SIK2: variants seen among roughly 807,000 people sequenced by gnomAD.
The protein encoded by SIK2 is salt inducible kinase 2.
In SIK2, 29 loss-of-function variants were observed where a neutral mutation model predicts 103.2. The observed-to-expected ratio is 0.28, with a 90% CI of 0.21 to 0.38. The LOEUF (loss-of-function observed/expected upper bound fraction) is 0.38. Among genes scored for constraint, SIK2 ranks in the 10% least tolerant of loss-of-function variants. The pLI, the probability that SIK2 is intolerant of heterozygous loss-of-function variation, is 1.00. For synonymous variants in SIK2, 412 were observed against 446.1 expected, an observed-to-expected ratio of 0.92 and a Z score of 0.96; for missense variants, 879 against 1,171.0, an observed-to-expected ratio of 0.75 and a Z score of 3.64.
intron 3 of SIK2, among the ~76,000 whole-genome samples, chr11:111,655,701 A>G (rs1484199142): frequency 6.6e-6 from 1 of 152,110 alleles, no homozygotes; most frequent in Non-Finnish European, 1.5e-5. Context: ...GGTCCTTCCT[A>G]GAATGGCCTG....
intron 3 of SIK2, among the ~76,000 whole-genome samples, chr11:111,670,079 A>G (rs1942604704): frequency 6.6e-6 from 1 of 152,090 alleles, no homozygotes; most frequent in South Asian, 2.1e-4. Flanking sequence ...GACTATTTTG[A>G]ACTGTACATT....
At position 111,657,175 on chromosome 11, in the gene SIK2, T is replaced by C. The variant is rs565175060; in HGVS notation, c.317-30826T>C. ...GCATTTGAATTGGAACTTGAAGGAC[T>C]ATTGAAAATATGTAGTCTGCCTGAC... On this transcript the variant is annotated intron_variant, in intron 3 of 14. Coordinates refer to ENST00000304987, the MANE Select transcript of SIK2 (RefSeq NM_015191.3). 2.6e-5 allele frequency among the ~76,000 whole-genome samples: 4 copies of C among 152,334 alleles called. No homozygotes were observed. In the East Asian group the frequency reaches 5.8e-4, roughly 22 times the overall value.
intron 2 of SIK2, 119 bp from the exon 3 acceptor site, chr11:111,620,220 C>T (rs780955464): frequency 2.5e-5 from 18 of 706,622 alleles, no homozygotes; most frequent in South Asian, 1.4e-4. Context: ...TAGCCATCTT[C>T]GGAATTGTTC....
rs544895757 is a variant in SIK2 at position 111,682,979 on chromosome 11, A to G, written c.317-5022A>G. ...TGGAGGGGGTGTTGACATACAAAAT[A>G]TAACCTTAAAAGTTTTCATTATTAA... On this transcript the variant is annotated intron_variant, in intron 3 of 14. Transcript: ENST00000304987. 1.1e-4 allele frequency: 17 copies of G among 152,386 alleles called. No individual in the cohort carries two copies. The Middle Eastern group carries it at 0.014, about 122-fold the overall frequency. 9.4% of individuals were successfully genotyped at this position (152,386 alleles called of 1,614,324 possible). A position where few individuals can be genotyped will look rare whatever the true frequency, so the allele number is the denominator to read the frequency against.
rs1944076193 is a variant in SIK2 at position 111,728,859 on chromosome 11, G to A, written c.*4730G>A. The A allele has an allele frequency of 6.6e-6, 1 of 151,216 alleles. No homozygotes were observed. The highest frequency in any genetic ancestry group is 6.6e-5 in the Admixed American group (1 of 15,202). 9.4% of individuals were successfully genotyped at this position (151,216 alleles called of 1,614,324 possible). On this transcript the variant is annotated 3_prime_UTR_variant, in exon 15 of 15. Coordinates refer to ENST00000304987, the MANE Select transcript of SIK2 (RefSeq NM_015191.3). ...GAATGGCGTGAACCCGGGAGGTGGA[G>A]CTTGCAGTGAGCCAAGATCGTGCCA...
At chr11:111,662,615 G>A (rs141199217) in intron 3 of SIK2, among the ~76,000 whole-genome samples, 213 of 151,692 alleles carry the variant, frequency 1.4e-3, no homozygotes, top group African/African-American at 4.9e-3. Context: ...AGTGGCTCAC[G>A]CCTGTAATCC....
chr11:111,678,001 C>T (rs551270299), intron 3 of SIK2, among the ~76,000 whole-genome samples: 3 of 152,270 alleles, frequency 2.0e-5, no homozygotes, highest in African/African-American at 7.2e-5. Flanking sequence ...AAGATACAGA[C>T]CCCCTTGTTA....
At chr11:111,683,834 T>C (rs894043654) in intron 3 of SIK2, among the ~76,000 whole-genome samples, 3 of 152,228 alleles carry the variant, frequency 2.0e-5, no homozygotes, top group Non-Finnish European at 4.4e-5. Context: ...TGAGCTTGGA[T>C]TGTGTTCCTT....
chr11:111,626,214 A>G (rs1320587945), intron 3 of SIK2, among the ~76,000 whole-genome samples: 1 of 152,166 alleles, frequency 6.6e-6, no homozygotes, highest in African/African-American at 2.4e-5. Flanking sequence ...ATAATGAGTA[A>G]TAGAATTAAT....
intron 3 of SIK2, among the ~76,000 whole-genome samples, chr11:111,679,415 C>T (rs1484994995): frequency 1.3e-5 from 2 of 152,132 alleles, no homozygotes. Context: ...TTGCTGAAAG[C>T]ACAATTAAAT....
intron 3 of SIK2, among the ~76,000 whole-genome samples, chr11:111,682,671 T>C (rs925469059): frequency 1.3e-5 from 2 of 152,356 alleles, no homozygotes; most frequent in East Asian, 3.9e-4. Context: ...TGTTGATAAC[T>C]CGAATTTAGG....
At chr11:111,645,787 C>T (rs1942247323) in intron 3 of SIK2, among the ~76,000 whole-genome samples, 1 of 151,414 alleles carries the variant, frequency 6.6e-6, no homozygotes, top group African/African-American at 2.4e-5. Flanking sequence ...TGCGCCCTAG[C>T]CTGGGCAACA....
At chr11:111,651,063 A>G (rs1207890711) in intron 3 of SIK2, among the ~76,000 whole-genome samples, 4 of 152,188 alleles carry the variant, frequency 2.6e-5, no homozygotes, top group African/African-American at 9.7e-5. Context: ...AGTTTTCTCA[A>G]GCTACATATT....
rs540396968 is a variant in SIK2 at position 111,715,367 on chromosome 11, CAT to C, written c.1266+2993_1266+2994del. 6.6e-5 allele frequency among the ~76,000 whole-genome samples: 10 copies of C among 152,212 alleles called. No homozygotes were observed. In the South Asian group the frequency reaches 1.2e-3, roughly 19 times the overall value. ...AGTTCCCTTTTTATTGAGACTGCCT[CAT>C]GTGCATTTACTGTAACACCCATTTG... On this transcript the variant is annotated intron_variant, in intron 9 of 14. Transcript: ENST00000304987.
intron 1 of SIK2, among the ~76,000 whole-genome samples, chr11:111,608,693 T>G (rs1479252843): frequency 5.3e-5 from 8 of 152,252 alleles, no homozygotes; most frequent in African/African-American, 1.9e-4. Context: ...AATTTCCTAT[T>G]ACTGAACATT....
intron 3 of SIK2, among the ~76,000 whole-genome samples, chr11:111,676,345 C>T (rs561726941): frequency 1.6e-4 from 25 of 152,320 alleles, no homozygotes; most frequent in Non-Finnish European, 3.1e-4. Context: ...AAACTGCTTC[C>T]CACCGCAGCT....
intron 3 of SIK2, among the ~76,000 whole-genome samples, chr11:111,630,652 T>C (rs1268380352): frequency 1.3e-5 from 2 of 152,140 alleles, no homozygotes; most frequent in Non-Finnish European, 2.9e-5. Context: ...AAGAAAGGAA[T>C]TGATGGAGTA....
intron 3 of SIK2, among the ~76,000 whole-genome samples, chr11:111,675,097 C>G (rs1471021583): frequency 6.6e-6 from 1 of 152,184 alleles, no homozygotes; most frequent in Non-Finnish European, 1.5e-5. Flanking sequence ...AATTTAGTGG[C>G]TTACATCAAC....
rs570284323 is a variant in SIK2 at position 111,701,292 on chromosome 11, G to A, written c.604-160G>A. Reference sequence around the variant, plus strand: ...TATTTATTATAAGATACTTATTGTAGTAGTCAGGGTTTTGGATTTTTTTCA... The same window carrying A: ...TATTTATTATAAGATACTTATTGTAATAGTCAGGGTTTTGGATTTTTTTCA... On this transcript the variant is annotated intron_variant, in intron 5 of 14. Transcript: ENST00000304987. This position sits in a 1 kb window ranked among gnomAD's most constrained non-coding sequence, Gnocchi z 4.2. Among the ~76,000 whole-genome samples the A allele has an allele frequency of 4.6e-5, 7 of 152,254 alleles. No individual in the cohort carries two copies. The East Asian group carries it at 1.2e-3, about 25-fold the overall frequency.
Sources: allele counts gnomAD v4.1 joint callset (sites outside exome capture counted in the v4.1 genomes callset), GRCh38; gene constraint gnomAD v4.1.1; non-coding constraint Gnocchi (gnomAD v3.1); transcripts MANE v1.5; gene names NCBI Gene and HGNC (gene_info 2026-07-23, HGNC 2026-07-21).